SLC29A3: variants seen among roughly 807,000 people sequenced by gnomAD.
SLC29A3 encodes the protein solute carrier family 29 member 3.
Under a neutral mutation model 25.4 loss-of-function variants are expected in SLC29A3, and 18 were observed. That is an observed-to-expected ratio of 0.71 (90% confidence interval 0.49 to 1.05). SLC29A3 has a LOEUF of 1.05. Among genes scored for constraint, SLC29A3 ranks in the 50% least tolerant of loss-of-function variants. The probability of loss-of-function intolerance (pLI) is 0.00; values close to 1 mark genes in which losing one functional copy is unlikely to be tolerated. For synonymous variants in SLC29A3, 258 were observed against 267.1 expected, an observed-to-expected ratio of 0.97 and a Z score of 0.33; for missense variants, 586 against 609.0, an observed-to-expected ratio of 0.96 and a Z score of 0.40.
At chr10:71,358,510 G>A (rs1328800325) in intron 5 of SLC29A3, among the ~76,000 whole-genome samples, 1 of 150,260 alleles carries the variant, frequency 6.7e-6, no homozygotes, top group Non-Finnish European at 1.5e-5. Context: ...CCAGGCTGAC[G>A]TCCCCGTGCT....
At chr10:71,350,992 CTGTT>C (rs1300072432) in intron 3 of SLC29A3, among the ~76,000 whole-genome samples, 3 of 152,328 alleles carry the variant, frequency 2.0e-5, no homozygotes, top group East Asian at 1.9e-4. Flanking sequence ...GCATTAAACA[CTGTT>C]TGAGTGTTTG....
chr10:71,369,616 G>C (rs935530258), intron 3 of SLC29A3, among the ~76,000 whole-genome samples: 2 of 152,166 alleles, frequency 1.3e-5, no homozygotes, highest in African/African-American at 4.8e-5. Context: ...ATCCAACCTG[G>C]GCTCTGCAAT....
At chr10:71,341,039 C>T (rs1194426612) in intron 2 of SLC29A3, among the ~76,000 whole-genome samples, 1 of 152,188 alleles carries the variant, frequency 6.6e-6, no homozygotes, top group African/African-American at 2.4e-5. Context: ...TCAGAGCAGC[C>T]AGTCTGGGGA....
intron 2 of SLC29A3, among the ~76,000 whole-genome samples, chr10:71,329,595 G>C (rs776777268): frequency 3.2e-4 from 48 of 152,232 alleles, no homozygotes; most frequent in Non-Finnish European, 5.7e-4. Context: ...GATAAGAACC[G>C]TGATCCAAGC....
intron 4 of SLC29A3, among the ~76,000 whole-genome samples, chr10:71,354,034 G>C (rs1481841406): frequency 2.0e-5 from 3 of 152,204 alleles, no homozygotes; most frequent in Non-Finnish European, 2.9e-5. Context: ...ATGTCTAGGC[G>C]GGGATTACAG....
At chr10:71,347,426 A>G (rs889807010) in intron 3 of SLC29A3, among the ~76,000 whole-genome samples, 21 of 152,084 alleles carry the variant, frequency 1.4e-4, no homozygotes, top group African/African-American at 4.8e-4. Context: ...CCTCTTGGCC[A>G]TGCCCTGTCT....
At chr10:71,353,041 GACAAGGGTATGT>G (rs1400461736) in intron 4 of SLC29A3, among the ~76,000 whole-genome samples, 1 of 152,154 alleles carries the variant, frequency 6.6e-6, no homozygotes, top group African/African-American at 2.4e-5. Context: ...ACAATACTTT[GACAAGGGTATGT>G]CCCTTCCCCA....
intron 2 of SLC29A3, among the ~76,000 whole-genome samples, chr10:71,329,954 G>A (rs1729622160): frequency 6.6e-6 from 1 of 152,332 alleles, no homozygotes; most frequent in South Asian, 2.1e-4. Context: ...GCCACATCCT[G>A]TGGGAAGTCT....
In SLC29A3 at chr10:71,362,212, G is replaced by C. The variant is rs1847079207; in HGVS notation, c.1032G>C (p.Lys344Asn). 1 of 1,614,004 alleles carries C rather than the reference G, an allele frequency of 6.2e-7. No individual in the cohort carries two copies. Among genetic ancestry groups the C allele is most frequent in the Admixed American group, 1.7e-5 (1 of 59,996 alleles). The change falls in exon 6 of 6, where the codon AAG (lysine) becomes AAC (asparagine). Residue 344 changes from lysine to asparagine, a missense_variant. By Grantham distance (94) the Lys-to-Asn change is moderately conservative. Coordinates refer to ENST00000373189, the MANE Select transcript of SLC29A3 (RefSeq NM_018344.6). ...GTTCGGGCTCACTGTGGACCACCAA[G>C]TTTTTCATCCCCCTCACTACCTTCC... is the stretch of plus-strand genomic sequence containing the variant. ...NKGSGSLWTT[K>N]FFIPLTTFLL...
intron 3 of SLC29A3, among the ~76,000 whole-genome samples, chr10:71,346,797 C>T (rs1846597674): frequency 6.6e-6 from 1 of 152,214 alleles, no homozygotes; most frequent in African/African-American, 2.4e-5. Flanking sequence ...CCACCCCTGC[C>T]CCTGCAGGCA....
chr10:71,330,591 C>T (rs1232217913), intron 2 of SLC29A3, among the ~76,000 whole-genome samples: 2 of 152,228 alleles, frequency 1.3e-5, no homozygotes, highest in Non-Finnish European at 1.5e-5. Context: ...CATGCTCTGT[C>T]GCCCTTGGGC....
intron 3 of SLC29A3, among the ~76,000 whole-genome samples, chr10:71,372,913 C>T (rs1340202345): frequency 1.3e-5 from 2 of 152,086 alleles, no homozygotes; most frequent in African/African-American, 4.8e-5. Context: ...GGAGGAGGGA[C>T]AGGGGCGGGG....
intron 4 of SLC29A3, among the ~76,000 whole-genome samples, chr10:71,378,177 AAAG>A (rs1284829116): frequency 6.6e-6 from 1 of 152,222 alleles, no homozygotes. Context: ...TAGAATGTAA[AAAG>A]AAATCATAAC....
At chr10:71,350,083 T>C (rs1010369258) in intron 3 of SLC29A3, among the ~76,000 whole-genome samples, 1 of 152,224 alleles carries the variant, frequency 6.6e-6, no homozygotes, top group African/African-American at 2.4e-5. Context: ...GACTGAGTGA[T>C]GGGCTGGGGC....
chr10:71,323,437 C>T (rs1164036192), intron 2 of SLC29A3, among the ~76,000 whole-genome samples: 2 of 152,288 alleles, frequency 1.3e-5, no homozygotes, highest in African/African-American at 4.8e-5. Flanking sequence ...GTGCAGCTTT[C>T]ATGGCCAAGG....
At chr10:71,320,975 T>C (rs148863644) in intron 1 of SLC29A3, among the ~76,000 whole-genome samples, 1 of 152,098 alleles carries the variant, frequency 6.6e-6, no homozygotes, top group East Asian at 1.9e-4. Context: ...ACTCTTGTCA[T>C]CTACTAGTTA....
At chr10:71,356,376 G>T (rs1846912653) in intron 5 of SLC29A3, 133 bp downstream of exon 5, 2 of 1,165,656 alleles carry the variant, frequency 1.7e-6, no homozygotes, top group Non-Finnish European at 2.4e-6. Context: ...CAACAAATAG[G>T]CTTGGCTGGT....
rs181475520 is a variant in SLC29A3 at position 71,343,782 on chromosome 10, T to C, written c.301-427T>C. 3.0e-3 allele frequency among the ~76,000 whole-genome samples: 457 copies of C among 152,296 alleles called. 1 individual carries two copies. Among genetic ancestry groups the C allele is most frequent in the Non-Finnish European group, 5.6e-3 (382 of 68,000 alleles). On this transcript the variant is annotated intron_variant, in intron 2 of 5. Transcript: ENST00000373189. ...GGGCAACATAGCAAGACCTCGTCTC[T>C]ACTAAAAACTTAAAAACAAAAACGT...
intron 2 of SLC29A3, 55 bp downstream of exon 2, chr10:71,323,109 T>G: frequency 6.3e-7 from 1 of 1,596,952 alleles, no homozygotes; most frequent in Non-Finnish European, 8.6e-7. Context: ...GCCTCATGCC[T>G]CACATGCAGG....
Sources: allele counts gnomAD v4.1 joint callset (sites outside exome capture counted in the v4.1 genomes callset), GRCh38; gene constraint gnomAD v4.1.1; transcripts MANE v1.5; gene names NCBI Gene and HGNC (gene_info 2026-07-23, HGNC 2026-07-21).